Variants in MALRD1 observed in about 807,000 individuals in gnomAD.
The protein encoded by MALRD1 is MAM and LDL receptor class A domain containing 1, also known as MAM and LDL-receptor class A domain-containing protein 1.
In MALRD1, 247 loss-of-function variants were observed where a neutral mutation model predicts 242.1. The ratio of observed to expected loss-of-function variants is 1.02; its 90% CI spans 0.92 to 1.13. The LOEUF is 1.13. Ranked by LOEUF, MALRD1 falls within the 50% of genes most tolerant of loss-of-function variation. MALRD1 has a pLI of 0.00. For missense variants in MALRD1, 2,989 were observed against 2,533.1 expected, an observed-to-expected ratio of 1.18 and a Z score of -3.86; for synonymous variants, 995 against 866.6, an observed-to-expected ratio of 1.15 and a Z score of -2.60.
chr10:19,459,945 A>G (rs1255751637), intron 29 of MALRD1, among the ~76,000 whole-genome samples: 3 of 152,004 alleles, frequency 2.0e-5, no homozygotes, highest in Admixed American at 1.3e-4. Context: ...AAATAGAGGC[A>G]ACTGTAAATC....
At chr10:19,635,627 A>T (rs1840095169) in intron 36 of MALRD1, among the ~76,000 whole-genome samples, 1 of 152,218 alleles carries the variant, frequency 6.6e-6, no homozygotes, top group Admixed American at 6.5e-5. Context: ...GGATGAATAG[A>T]TGGAAAAGCT....
At chr10:19,650,547 C>T (rs932963840) in intron 36 of MALRD1, among the ~76,000 whole-genome samples, 19 of 152,022 alleles carry the variant, frequency 1.2e-4, no homozygotes, top group Non-Finnish European at 2.2e-4. Flanking sequence ...TCTGTAACTT[C>T]GTTAGGTAGG....
At chr10:19,442,823 G>C (rs1834743123) in intron 28 of MALRD1, among the ~76,000 whole-genome samples, 1 of 152,168 alleles carries the variant, frequency 6.6e-6, no homozygotes, top group Non-Finnish European at 1.5e-5. Context: ...TCAGGATGAT[G>C]CTGGCCTCAT....
chr10:19,730,496 T>G, intron 38 of MALRD1: 2 of 613,570 alleles, frequency 3.3e-6, no homozygotes, highest in Non-Finnish European at 5.9e-6. Flanking sequence ...AGAGTTCAAA[T>G]TACATTTGCT....
At chr10:19,139,490 A>C (rs1647892550) in intron 10 of MALRD1, among the ~76,000 whole-genome samples, 1 of 152,142 alleles carries the variant, frequency 6.6e-6, no homozygotes, top group Non-Finnish European at 1.5e-5. Flanking sequence ...TTGTGCAGGC[A>C]GTTTGAATAG....
rs183162812 is a variant in MALRD1, at chr10:19,596,562, A to T, written c.5944+1105A>T. ...TGGGCAACATAGTGAGAACCCATCTATACAAAAATAGCAATAGTAATAACC... is the reference window on the plus strand; with the variant it reads ...TGGGCAACATAGTGAGAACCCATCTTTACAAAAATAGCAATAGTAATAACC... On this transcript the variant is annotated intron_variant, in intron 34 of 39. Coordinates refer to ENST00000454679, the MANE Select transcript of MALRD1 (RefSeq NM_001142308.3). Among the ~76,000 whole-genome samples the T allele has an allele frequency of 3.3e-5, 5 of 151,772 alleles. No individual in the cohort carries two copies. The East Asian group carries it at 7.8e-4, about 24-fold the overall frequency.
chr10:19,625,044 G>A (rs1051116260), intron 36 of MALRD1, among the ~76,000 whole-genome samples: 5 of 126,620 alleles, frequency 3.9e-5, no homozygotes, highest in Admixed American at 8.8e-5. Flanking sequence ...GTGACTGAAC[G>A]AGAGCCTATT....
intron 29 of MALRD1, among the ~76,000 whole-genome samples, chr10:19,454,355 G>C (rs183625735): frequency 7.1e-6 from 1 of 140,318 alleles, no homozygotes; most frequent in Admixed American, 7.3e-5. Flanking sequence ...ATGCAGCCAG[G>C]TTTGAGAATT....
chr10:19,387,600 T>C lies in MALRD1; in HGVS notation c.4514T>C (p.Val1505Ala). 6.4e-7 allele frequency: 1 copy of C among 1,550,440 alleles called. No homozygotes were observed. The highest frequency in any genetic ancestry group is 8.7e-7 in the Non-Finnish European group (1 of 1,146,868). ...AGGCTGGAACAAAGCTGTAACTTCG[T>C]AGATAACTGTGGAGATAATACTGAT... Reference protein sequence around the residue: ...CYRLEQSCNFVDNCGDNTDEN... With the variant: ...CYRLEQSCNFADNCGDNTDEN... The change falls in exon 27 of 40, where the codon GTA (valine) becomes GCA (alanine). Residue 1505 changes from valine to alanine, a missense_variant. Coordinates refer to ENST00000454679, the MANE Select transcript of MALRD1 (RefSeq NM_001142308.3).
intron 36 of MALRD1, among the ~76,000 whole-genome samples, chr10:19,667,594 A>ACTCT (rs140483883): frequency 3.6e-5 from 5 of 139,804 alleles, no homozygotes; most frequent in South Asian, 2.3e-4. Flanking sequence ...CCTCCCTGCC[A>ACTCT]CTCTCTCTCT....
intron 38 of MALRD1, among the ~76,000 whole-genome samples, chr10:19,727,293 T>C (rs1835073822): frequency 6.6e-6 from 1 of 151,960 alleles, no homozygotes; most frequent in African/African-American, 2.4e-5. Context: ...GTTTTATTCT[T>C]TTTTTCTCCT....
intron 29 of MALRD1, among the ~76,000 whole-genome samples, chr10:19,468,916 C>G (rs1176919956): frequency 6.6e-6 from 1 of 151,994 alleles, no homozygotes; most frequent in Non-Finnish European, 1.5e-5. Flanking sequence ...CTTTATGTCT[C>G]TCTCTTCTCT....
intron 13 of MALRD1, among the ~76,000 whole-genome samples, chr10:19,167,669 A>T (rs1160875789): frequency 6.6e-6 from 1 of 152,146 alleles, no homozygotes; most frequent in East Asian, 1.9e-4. Context: ...TCTTACCTTT[A>T]GCCAGAGATA....
chr10:19,085,281 T>C (rs1236807502), intron 2 of MALRD1, among the ~76,000 whole-genome samples: 1 of 151,954 alleles, frequency 6.6e-6, no homozygotes, highest in East Asian at 1.9e-4. Context: ...AAAAATGTTC[T>C]CTGGAAAGCC....
chr10:19,654,583 C>A (rs1360698654), intron 36 of MALRD1, among the ~76,000 whole-genome samples: 3 of 152,142 alleles, frequency 2.0e-5, no homozygotes, highest in Non-Finnish European at 4.4e-5. Context: ...AAATGACTGT[C>A]TTTTCTTTGC....
chr10:19,074,319 G>T (rs1168609981), intron 2 of MALRD1, among the ~76,000 whole-genome samples: 1 of 152,006 alleles, frequency 6.6e-6, no homozygotes, highest in Non-Finnish European at 1.5e-5. Flanking sequence ...ATGCATATTT[G>T]GTGCTTAATG....
At position 19,451,732 on chromosome 10, in the gene MALRD1, T is replaced by G. The variant is rs573194067; in HGVS notation, c.5029+1242T>G. ...GTAGTGTTACAGCATCTGCTCTTTT[T>G]ATGAGTGGTACTGTTTCAAAAGATT... On this transcript the variant is annotated intron_variant, in intron 29 of 39. Coordinates refer to ENST00000454679, the MANE Select transcript of MALRD1 (RefSeq NM_001142308.3). 2.0e-5 allele frequency among the ~76,000 whole-genome samples: 3 copies of G among 152,344 alleles called. No homozygotes were observed. The South Asian group carries it at 6.2e-4, about 32-fold the overall frequency.
At chr10:19,084,637 T>G (rs1335747847) in intron 2 of MALRD1, among the ~76,000 whole-genome samples, 1 of 151,910 alleles carries the variant, frequency 6.6e-6, no homozygotes, top group African/African-American at 2.4e-5. Context: ...TTCTACCTTA[T>G]CTTTCCTGAA....
intron 38 of MALRD1, among the ~76,000 whole-genome samples, chr10:19,717,603 G>A (rs569529433): frequency 2.0e-5 from 3 of 152,114 alleles, no homozygotes; most frequent in South Asian, 2.1e-4. Context: ...TTATTAATGC[G>A]AAAATTAGTT....
Sources: allele counts gnomAD v4.1 joint callset (sites outside exome capture counted in the v4.1 genomes callset), GRCh38; gene constraint gnomAD v4.1.1; transcripts MANE v1.5; gene names NCBI Gene and HGNC (gene_info 2026-07-23, HGNC 2026-07-21).